The following ROBO2 variants were observed in gnomAD, a reference collection of about 807,000 sequenced individuals.
ROBO2 encodes roundabout homolog 2.
ROBO2 carries 53 observed loss-of-function variants against 160.8 expected under a neutral mutation model. That is an observed-to-expected ratio of 0.33 (90% CI 0.26 to 0.41). The LOEUF (loss-of-function observed/expected upper bound fraction) is 0.41. Ranked by LOEUF, ROBO2 falls within the 10% of genes least tolerant of loss-of-function variation. The pLI is 1.00. For missense variants in ROBO2, 1,577 were observed against 1,722.4 expected (o/e 0.92, Z 1.49); for synonymous variants, 664 against 611.7 (o/e 1.09, Z -1.26).
At chr3:76,272,058 T>C (rs995560410) in intron 2 of ROBO2, among the ~76,000 whole-genome samples, 5 of 152,182 alleles carry the variant, frequency 3.3e-5, no homozygotes, top group Non-Finnish European at 7.4e-5. Context: ...CTAAATATGC[T>C]CTATAAATAT....
At chr3:77,540,367 G>T (rs576680416) in intron 6 of ROBO2, among the ~76,000 whole-genome samples, 1 of 152,142 alleles carries the variant, frequency 6.6e-6, no homozygotes, top group Non-Finnish European at 1.5e-5. Context: ...ATCTTGGTTC[G>T]AACGGAACCA....
intron 2 of ROBO2, among the ~76,000 whole-genome samples, chr3:75,939,886 A>G (rs1430946492): frequency 3.3e-5 from 5 of 152,168 alleles, no homozygotes; most frequent in Admixed American, 3.3e-4. Flanking sequence ...AAAAGAATAC[A>G]TGAAAATTTA....
At chr3:77,401,144 A>G (rs147606216) in intron 2 of ROBO2, among the ~76,000 whole-genome samples, 1 of 152,136 alleles carries the variant, frequency 6.6e-6, no homozygotes, top group African/African-American at 2.4e-5. Flanking sequence ...CTTTGTTTAG[A>G]TTACTTCCTC....
At chr3:76,823,965 G>C (rs1014091051) in intron 2 of ROBO2, among the ~76,000 whole-genome samples, 5 of 152,130 alleles carry the variant, frequency 3.3e-5, no homozygotes, top group Admixed American at 1.3e-4. Context: ...GTAAAAGTTT[G>C]CTTGTAAAAC....
chr3:76,868,716 T>C (rs2071648407), intron 2 of ROBO2, among the ~76,000 whole-genome samples: 1 of 152,126 alleles, frequency 6.6e-6, no homozygotes, highest in Non-Finnish European at 1.5e-5. Flanking sequence ...AGTCTTTAAA[T>C]GTCATATTGT....
intron 7 of ROBO2, among the ~76,000 whole-genome samples, chr3:77,549,243 T>A (rs1305138031): frequency 6.6e-6 from 1 of 152,114 alleles, no homozygotes; most frequent in East Asian, 1.9e-4. Context: ...GAGGAAGCCA[T>A]CCCGTAGAGA....
chr3:77,221,259 A>G (rs1051670972), intron 2 of ROBO2, among the ~76,000 whole-genome samples: 1 of 152,122 alleles, frequency 6.6e-6, no homozygotes, highest in Non-Finnish European at 1.5e-5. Context: ...GTAAGCTGAC[A>G]TTTCATCATT....
chr3:76,512,914 G>A (rs747047289), intron 2 of ROBO2, among the ~76,000 whole-genome samples: 3 of 152,002 alleles, frequency 2.0e-5, no homozygotes, highest in Non-Finnish European at 2.9e-5. Flanking sequence ...CTCATTTCGC[G>A]GGCTGGGATA....
chr3:76,780,366 C>A (rs931247322), intron 2 of ROBO2, among the ~76,000 whole-genome samples: 21 of 150,784 alleles, frequency 1.4e-4, no homozygotes, highest in African/African-American at 4.9e-4. Flanking sequence ...TGTTTCCTCC[C>A]ACGCTGTAGG....
intron 2 of ROBO2, among the ~76,000 whole-genome samples, chr3:77,385,150 C>T (rs1224170413): frequency 6.6e-6 from 1 of 152,156 alleles, no homozygotes; most frequent in Non-Finnish European, 1.5e-5. Flanking sequence ...CTGCCTCAGC[C>T]TCCTGAGTAG....
intron 2 of ROBO2, among the ~76,000 whole-genome samples, chr3:76,751,119 C>G (rs555001625): frequency 6.6e-6 from 1 of 152,044 alleles, no homozygotes; most frequent in Non-Finnish European, 1.5e-5. Flanking sequence ...TGGAACAGAA[C>G]AGAGCCCTCA....
At chr3:77,197,876 G>A (rs2082449444) in intron 2 of ROBO2, among the ~76,000 whole-genome samples, 1 of 152,186 alleles carries the variant, frequency 6.6e-6, no homozygotes, top group African/African-American at 2.4e-5. Flanking sequence ...TTCAAAGGGA[G>A]ATGTAATTAT....
Position 76,113,645 on chromosome 3 carries a change from TCCTA to T in ROBO2, c.109+176048_109+176051del, listed in dbSNP as rs1219222270. Reference sequence around the variant, plus strand: ...TTAGTGATGAAGAGAACCAAACTCATCCTACCTATCTGTGGTAGCTGCCCCACTC... The same window carrying T: ...TTAGTGATGAAGAGAACCAAACTCATCCTATCTGTGGTAGCTGCCCCACTC... On this transcript the variant is annotated intron_variant, in intron 2 of 26. Transcript: ENST00000487694. 1.3e-4 allele frequency among the ~76,000 whole-genome samples: 20 copies of T among 152,282 alleles called. No individual in the cohort carries two copies. In the East Asian group the frequency reaches 2.9e-3, roughly 22 times the overall value.
intron 2 of ROBO2, among the ~76,000 whole-genome samples, chr3:77,408,282 G>A (rs901184306): frequency 3.3e-5 from 5 of 152,064 alleles, no homozygotes; most frequent in Admixed American, 1.3e-4. Flanking sequence ...TTGTTTGTGC[G>A]TGTGTATGTG....
chr3:75,915,892 C>A (rs1434224483), intron 1 of ROBO2, among the ~76,000 whole-genome samples: 2 of 152,092 alleles, frequency 1.3e-5, no homozygotes, highest in Admixed American at 6.6e-5. Flanking sequence ...AAAATCTGAA[C>A]AATTTTTACT....
chr3:76,797,822 G>T lies in ROBO2; in HGVS notation c.110-300192G>T, dbSNP rs76589831. The stretch of plus-strand genomic sequence containing the variant: ...TGGCAAAAAAAATTAAAACCTAAAA[G>T]AAATGGGTAAATTCCTAGACACATA... On this transcript the variant is annotated intron_variant, in intron 2 of 26. Transcript: ENST00000487694. Among the ~76,000 whole-genome samples the T allele has an allele frequency of 5.9e-3, 892 of 151,860 alleles. 14 individuals carry two copies. Among genetic ancestry groups the T allele is most frequent in the African/African-American group, 0.02 (837 of 41,474 alleles).
intron 24 of ROBO2, 94 bp downstream of exon 25, chr3:77,635,137 A>G: frequency 7.3e-7 from 1 of 1,377,992 alleles, no homozygotes; most frequent in East Asian, 2.5e-5. Context: ...TAGATTAGCC[A>G]TTGCTTCATT....
At chr3:76,816,679 A>C in intron 2 of ROBO2, among the ~76,000 whole-genome samples, 1 of 152,030 alleles carries the variant, frequency 6.6e-6, no homozygotes, top group Admixed American at 6.6e-5. Context: ...TCAAGGATTT[A>C]GAACTAGAAA....
chr3:77,168,688 C>T (rs2079338191), intron 2 of ROBO2, among the ~76,000 whole-genome samples: 1 of 152,186 alleles, frequency 6.6e-6, no homozygotes, highest in African/African-American at 2.4e-5. Context: ...TGACCTATTA[C>T]AGGGAACTTA....
Sources: gnomAD v4.1 joint callset for allele counts (sites outside exome capture counted in the v4.1 genomes callset) on GRCh38, gnomAD v4.1.1 for gene constraint, MANE v1.5 for transcripts, NCBI Gene and HGNC (gene_info 2026-07-23, HGNC 2026-07-21) for gene names.